Variants in OPN3 observed in about 807,000 individuals in gnomAD.
The protein encoded by OPN3 is opsin 3.
OPN3 carries 29 observed loss-of-function variants against 33.8 expected under a neutral mutation model. The ratio of observed to expected loss-of-function variants is 0.86; its 90% CI spans 0.64 to 1.17. The LOEUF (loss-of-function observed/expected upper bound fraction) is 1.17. Among genes scored for constraint, OPN3 ranks in the 50% most tolerant of loss-of-function variants. The pLI is 0.00. For synonymous variants in OPN3, 216 were observed against 216.1 expected, an observed-to-expected ratio of 1.00 and a Z score of 0.00; for missense variants, 437 against 514.1, an observed-to-expected ratio of 0.85 and a Z score of 1.45.
chr1:241,615,011 C>T (rs1276499877), intron 1 of OPN3, among the ~76,000 whole-genome samples: 1 of 152,138 alleles, frequency 6.6e-6, no homozygotes, highest in Non-Finnish European at 1.5e-5. Flanking sequence ...CTCTGCTCGT[C>T]AGGAAAGGAT....
At chr1:241,625,443 A>G (rs952552529) in intron 1 of OPN3, among the ~76,000 whole-genome samples, 2 of 152,254 alleles carry the variant, frequency 1.3e-5, no homozygotes, top group African/African-American at 2.4e-5. Flanking sequence ...CCATGCATAG[A>G]AAGATTACCT....
chr1:241,612,743 GAA>G, intron 1 of OPN3, among the ~76,000 whole-genome samples: 1 of 152,272 alleles, frequency 6.6e-6, no homozygotes, highest in South Asian at 2.1e-4. Flanking sequence ...ACGTACCAGT[GAA>G]ACTACTGACA....
chr1:241,607,974 C>A (rs968427673), intron 1 of OPN3, among the ~76,000 whole-genome samples: 1 of 151,968 alleles, frequency 6.6e-6, no homozygotes, highest in Non-Finnish European at 1.5e-5. Context: ...ATTATCCTTT[C>A]TTTACCTGAT....
chr1:241,622,419 G>T (rs1664290072), intron 1 of OPN3, among the ~76,000 whole-genome samples: 1 of 152,158 alleles, frequency 6.6e-6, no homozygotes, highest in African/African-American at 2.4e-5. Context: ...CACCAGAAGA[G>T]AAATTAAATC....
intron 1 of OPN3, chr1:241,629,650 A>T (rs1165930726): frequency 6.6e-6 from 1 of 152,110 alleles, no homozygotes; most frequent in Non-Finnish European, 1.5e-5. Context: ...GCCAATTGCC[A>T]TGAAGTTCCT....
In OPN3 at chr1:241,635,022, T is replaced by C. The variant is rs1482097567; in HGVS notation, c.373+4860A>G. The stretch of plus-strand genomic sequence containing the variant: ...ACATAACGACTAACATCTGATTTGA[T>C]TAAAAGATCAATTAGCAATCCTTGA... On this transcript the variant is annotated intron_variant, in intron 1 of 3. Transcript: ENST00000366554. The C allele has an allele frequency of 1.9e-6, 3 of 1,613,410 alleles. No individual in the cohort carries two copies. The highest frequency in any genetic ancestry group is 4.5e-5 in the East Asian group (2 of 44,866).
At chr1:241,639,686 G>C (rs936014316) in intron 1 of OPN3, among the ~76,000 whole-genome samples, 196 bp downstream of exon 1, 2 of 151,466 alleles carry the variant, frequency 1.3e-5, no homozygotes, top group Non-Finnish European at 2.9e-5. Context: ...CGGAGGAAGA[G>C]GAAGGCACCC....
At chr1:241,633,900 TATC>T (rs1204708841) in intron 1 of OPN3, 1 of 1,613,794 alleles carries the variant, frequency 6.2e-7, no homozygotes, top group Non-Finnish European at 8.5e-7. Flanking sequence ...TCTGGCTGCT[TATC>T]ATCACCATCA....
chr1:241,596,895 G>A (rs758686853), intron 3 of OPN3, among the ~76,000 whole-genome samples: 1 of 152,152 alleles, frequency 6.6e-6, no homozygotes, highest in Non-Finnish European at 1.5e-5. Flanking sequence ...TGCGATAGTG[G>A]GTCACTGCAG....
intron 1 of OPN3, among the ~76,000 whole-genome samples, chr1:241,607,637 G>A (rs850680): frequency 0.79 from 115,634 of 147,292 alleles, 45,983 homozygotes; most frequent in East Asian, 0.96. Flanking sequence ...AAAGAAAAAG[G>A]AAGAAAGAAG....
intron 1 of OPN3, among the ~76,000 whole-genome samples, chr1:241,605,691 C>T (rs1308232334): frequency 6.6e-6 from 1 of 152,152 alleles, no homozygotes; most frequent in Non-Finnish European, 1.5e-5. Context: ...ATTGGAGACA[C>T]AGAAAGGGAA....
At chr1:241,633,677 T>C in intron 1 of OPN3, 3 of 998,010 alleles carry the variant, frequency 3.0e-6, no homozygotes, top group Non-Finnish European at 4.5e-6. Context: ...AGACAACATC[T>C]GCATAGCATT....
At chr1:241,638,546 C>A (rs1664990876) in intron 1 of OPN3, among the ~76,000 whole-genome samples, 1 of 152,124 alleles carries the variant, frequency 6.6e-6, no homozygotes, top group Non-Finnish European at 1.5e-5. Context: ...CTTAGCATTG[C>A]CGAAGAAACT....
chr1:241,618,221 G>A (rs1664187074), intron 1 of OPN3, among the ~76,000 whole-genome samples: 1 of 152,122 alleles, frequency 6.6e-6, no homozygotes, highest in South Asian at 2.1e-4. Context: ...ACACCTTCTG[G>A]ATCAGAGCAG....
chr1:241,623,038 G>A (rs780592474), intron 1 of OPN3, among the ~76,000 whole-genome samples: 1 of 151,410 alleles, frequency 6.6e-6, no homozygotes, highest in African/African-American at 2.4e-5. Flanking sequence ...AGAAGCCCAG[G>A]AAGTTTGTTT....
chr1:241,612,662 C>A (rs1664027544), intron 1 of OPN3, among the ~76,000 whole-genome samples: 1 of 152,106 alleles, frequency 6.6e-6, no homozygotes. Flanking sequence ...TTCCCCTTAA[C>A]TGCTCTATGG....
intron 1 of OPN3, among the ~76,000 whole-genome samples, chr1:241,626,805 G>A (rs759778800): frequency 6.6e-6 from 1 of 152,168 alleles, no homozygotes; most frequent in Non-Finnish European, 1.5e-5. Context: ...AGTCTCAAAT[G>A]AGCAGCAATA....
intron 2 of OPN3, among the ~76,000 whole-genome samples, chr1:241,602,675 G>A (rs1479447026): frequency 2.0e-5 from 3 of 151,998 alleles, no homozygotes; most frequent in Non-Finnish European, 4.4e-5. Flanking sequence ...GAGAGAGAAA[G>A]AGCAAGCTTT....
chr1:241,598,254 T>C (rs1663590001), intron 2 of OPN3, among the ~76,000 whole-genome samples: 1 of 152,112 alleles, frequency 6.6e-6, no homozygotes, highest in Non-Finnish European at 1.5e-5. Flanking sequence ...GTGTTTTTTT[T>C]GACGTTCTCT....
Sources: allele counts gnomAD v4.1 joint callset (sites outside exome capture counted in the v4.1 genomes callset), GRCh38; gene constraint gnomAD v4.1.1; transcripts MANE v1.5; gene names NCBI Gene and HGNC (gene_info 2026-07-23, HGNC 2026-07-21).